Variants in DMD observed in about 807,000 individuals in gnomAD.
DMD encodes the protein dystrophin.
DMD carries 63 observed loss-of-function variants against 330.1 expected under a neutral mutation model. The ratio of observed to expected loss-of-function variants is 0.19; its 90% confidence interval spans 0.16 to 0.24. The LOEUF (loss-of-function observed/expected upper bound fraction) is 0.24. Ranked by LOEUF, DMD falls within the 10% of genes least tolerant of loss-of-function variation. The pLI is 1.00. For missense variants in DMD, 3,344 were observed against 2,684.1 expected, an observed-to-expected ratio of 1.25 and a Z score of -5.43; for synonymous variants, 1,223 against 959.8, an observed-to-expected ratio of 1.27 and a Z score of -5.07.
At chrX:31,266,870 G>A (rs373819729) in intron 62 of DMD, 20 of 1,198,219 alleles carry the variant, frequency 1.7e-5, no homozygotes, top group South Asian at 7.3e-5. Context: ...TACGAGTGGA[G>A]GAGTGAGCTT....
intron 1 of DMD, among the ~76,000 whole-genome samples, chrX:33,122,588 C>A (rs1477269075): frequency 8.9e-6 from 1 of 112,212 alleles, no homozygotes; most frequent in African/African-American, 3.2e-5. Flanking sequence ...CAGACAAAAT[C>A]TGACTCTTAA....
At chrX:31,909,794 C>G (rs905334977) in intron 47 of DMD, among the ~76,000 whole-genome samples, 3 of 112,232 alleles carry the variant, frequency 2.7e-5, no homozygotes, top group African/African-American at 9.7e-5. Flanking sequence ...AGTTTTCTTT[C>G]GTTTTTCTAA....
intron 2 of DMD, among the ~76,000 whole-genome samples, chrX:32,970,290 G>A (rs745446786): frequency 7.4e-5 from 7 of 94,077 alleles, no homozygotes; most frequent in South Asian, 5.3e-4. Context: ...TAACTTAATT[G>A]TAAATTTAAA....
chrX:31,703,668 C>T (rs1161912928), intron 52 of DMD, among the ~76,000 whole-genome samples: 1 of 111,665 alleles, frequency 9.0e-6, no homozygotes, highest in Non-Finnish European at 1.9e-5. Context: ...TAAACACATA[C>T]ATTTAGTCAA....
intron 1 of DMD, among the ~76,000 whole-genome samples, chrX:33,093,876 TTAA>T (rs2148326934): frequency 9.0e-6 from 1 of 111,556 alleles, no homozygotes; most frequent in East Asian, 2.8e-4. Flanking sequence ...AATTAATATT[TTAA>T]TAAAATCAAT....
At chrX:33,101,114 ATTTG>A (rs751693905) in intron 1 of DMD, among the ~76,000 whole-genome samples, 13 of 112,307 alleles carry the variant, frequency 1.2e-4, no homozygotes, top group Non-Finnish European at 1.7e-4. Context: ...CGCAGCGTTT[ATTTG>A]TTTATTTGGT....
At chrX:33,295,130 T>C (rs2053566141) in intron 1 of DMD, among the ~76,000 whole-genome samples, 2 of 111,802 alleles carry the variant, frequency 1.8e-5, no homozygotes, top group Non-Finnish European at 3.8e-5. Flanking sequence ...TAAAATTAAA[T>C]AAACTTATGA....
intron 1 of DMD, among the ~76,000 whole-genome samples, chrX:33,282,008 C>T (rs1329974862): frequency 9.1e-6 from 1 of 109,927 alleles, no homozygotes; most frequent in Non-Finnish European, 1.9e-5. Flanking sequence ...CCTCCAGCTG[C>T]TCCAATGTCT....
chrX:31,396,490 A>G (rs1182484697), intron 60 of DMD, among the ~76,000 whole-genome samples: 1 of 109,596 alleles, frequency 9.1e-6, no homozygotes, highest in Non-Finnish European at 1.9e-5. Context: ...TGTACTGAGT[A>G]AAATAGAGAC....
At chrX:32,276,202 C>T (rs377490206) in intron 43 of DMD, among the ~76,000 whole-genome samples, 1 of 112,551 alleles carries the variant, frequency 8.9e-6, no homozygotes, top group African/African-American at 3.2e-5. Context: ...AGAAGGGAAT[C>T]GCCCATCCCA....
intron 44 of DMD, among the ~76,000 whole-genome samples, chrX:32,017,290 C>G (rs1195357210): frequency 8.9e-6 from 1 of 111,737 alleles, no homozygotes; most frequent in Non-Finnish European, 1.9e-5. Context: ...TATCACATTG[C>G]CTTCAAAAAG....
intron 44 of DMD, among the ~76,000 whole-genome samples, chrX:32,106,036 G>T (rs919068375): frequency 9.0e-6 from 1 of 111,616 alleles, no homozygotes; most frequent in African/African-American, 3.2e-5. Flanking sequence ...GGCTGGAAAC[G>T]TCAAACACTT....
chrX:32,457,317 G>A (rs2098364423), intron 25 of DMD, among the ~76,000 whole-genome samples: 1 of 111,207 alleles, frequency 9.0e-6, no homozygotes, highest in African/African-American at 3.3e-5. Flanking sequence ...AGAGAGAAGG[G>A]AAGGAGTGAA....
At chrX:31,144,320 T>G (rs950145199) in intron 76 of DMD, among the ~76,000 whole-genome samples, 2 of 112,090 alleles carry the variant, frequency 1.8e-5, no homozygotes, top group African/African-American at 6.5e-5. Flanking sequence ...CCTCTGCTGA[T>G]AAGCTCAGCA....
chrX:32,705,502 A>G (rs899826633), intron 7 of DMD, among the ~76,000 whole-genome samples: 4 of 111,948 alleles, frequency 3.6e-5, no homozygotes, highest in Admixed American at 9.6e-5. Flanking sequence ...TATCACCATC[A>G]TCTTGTTACA....
chrX:32,739,470 T>A (rs1265898626), intron 7 of DMD, among the ~76,000 whole-genome samples: 1 of 111,903 alleles, frequency 8.9e-6, no homozygotes. Flanking sequence ...ATGTGATCAC[T>A]TTGGAAAGGT....
chrX:33,037,870 C>A (rs950237291), intron 1 of DMD, among the ~76,000 whole-genome samples: 1 of 112,014 alleles, frequency 8.9e-6, no homozygotes, highest in African/African-American at 3.2e-5. Context: ...ATAGAAGTTA[C>A]TAATTGCAGA....
In DMD at chrX:33,081,571, G is replaced by C. The variant is rs749362189; in HGVS notation, c.32-61371C>G. Among the ~76,000 whole-genome samples the C allele has an allele frequency of 6.2e-5, 7 of 112,320 alleles. No individual in the cohort carries two copies. In the East Asian group the frequency reaches 2.0e-3, roughly 32 times the overall value. ...CCCAAAGTGCTTGGATTACAAGCAC[G>C]AGCCACGGCACCCGGCCATACCCTG... On this transcript the variant is annotated intron_variant, in intron 1 of 78. Coordinates refer to ENST00000357033, the MANE Select transcript of DMD (RefSeq NM_004006.3).
At chrX:32,786,189 C>A (rs1394437671) in intron 7 of DMD, among the ~76,000 whole-genome samples, 1 of 109,142 alleles carries the variant, frequency 9.2e-6, no homozygotes, top group Non-Finnish European at 1.9e-5. Flanking sequence ...CCAACTGATT[C>A]TATACAGAAA....
Sources: allele counts gnomAD v4.1 joint callset (sites outside exome capture counted in the v4.1 genomes callset), GRCh38; gene constraint gnomAD v4.1.1; transcripts MANE v1.5; gene names NCBI Gene and HGNC (gene_info 2026-07-23, HGNC 2026-07-21).